The following C12orf54 variants were observed in gnomAD, a reference collection of about 807,000 sequenced individuals.
C12orf54 encodes the protein uncharacterized protein C12orf54.
A neutral mutation model predicts 26.4 loss-of-function variants in C12orf54; 24 were observed. The observed-to-expected ratio is 0.91, with a 90% CI of 0.66 to 1.28. C12orf54 has a LOEUF of 1.28. C12orf54 is among the 50% of genes most tolerant of loss of function. The probability of loss-of-function intolerance (pLI) is 0.00; values close to 1 mark genes in which losing one functional copy is unlikely to be tolerated. For missense variants in C12orf54, 154 were observed against 150.9 expected (o/e 1.02, Z -0.11); for synonymous variants, 54 against 47.0 (o/e 1.15, Z -0.61).
chr12:48,470,194 C>A, the C12orf54 span, among the ~76,000 whole-genome samples: 1 of 152,116 alleles, frequency 6.6e-6, no homozygotes, highest in Non-Finnish European at 1.5e-5. Context: ...GATTTATTTT[C>A]CTTTGGGTAG....
At chr12:48,434,672 G>C in the C12orf54 span, among the ~76,000 whole-genome samples, 1 of 152,172 alleles carries the variant, frequency 6.6e-6, no homozygotes, top group Non-Finnish European at 1.5e-5. Flanking sequence ...GAACCTCCAG[G>C]AAACTCCAAC....
At chr12:48,490,686 T>A in intron 5 of C12orf54, 126 bp from the exon 6 acceptor site, 1 of 1,041,968 alleles carries the variant, frequency 9.6e-7, no homozygotes, top group Non-Finnish European at 1.4e-6. Flanking sequence ...GGGAGTTCCA[T>A]GTCCAAGAAG....
chr12:48,490,301 T>C (rs898749956), intron 5 of C12orf54, among the ~76,000 whole-genome samples: 52 of 152,312 alleles, frequency 3.4e-4, no homozygotes, highest in African/African-American at 1.2e-3. Context: ...GGCATTATCT[T>C]AAGTGGTTTG....
the C12orf54 span, among the ~76,000 whole-genome samples, chr12:48,477,271 C>G: frequency 6.6e-6 from 1 of 152,272 alleles, no homozygotes; most frequent in East Asian, 1.9e-4. Context: ...ATTTATAGCA[C>G]TAAATGCCCA....
the C12orf54 span, among the ~76,000 whole-genome samples, chr12:48,428,749 T>C: frequency 1.3e-5 from 2 of 152,022 alleles, no homozygotes; most frequent in African/African-American, 4.8e-5. Context: ...TAAAGAAGAA[T>C]TGGTACCAAT....
the C12orf54 span, among the ~76,000 whole-genome samples, chr12:48,467,974 C>T: frequency 6.6e-6 from 1 of 151,968 alleles, no homozygotes; most frequent in Non-Finnish European, 1.5e-5. Flanking sequence ...GGCTTCCCAC[C>T]CACGGGAAAT....
At chr12:48,475,943 G>C in the C12orf54 span, among the ~76,000 whole-genome samples, 6 of 151,454 alleles carry the variant, frequency 4.0e-5, no homozygotes, top group African/African-American at 1.5e-4. Flanking sequence ...ACACATAATT[G>C]TCAGATTCAC....
At chr12:48,481,053 A>C (rs12815151), upstream of C12orf54, among the ~76,000 whole-genome samples, 50,728 of 109,922 alleles carry the variant, frequency 0.46, 10,499 homozygotes, top group Middle Eastern at 0.57. Flanking sequence ...CTCCAAAAGA[A>C]GGGAGGGAGG....
the C12orf54 span, among the ~76,000 whole-genome samples, chr12:48,441,450 G>T: frequency 6.6e-6 from 1 of 152,024 alleles, no homozygotes; most frequent in Non-Finnish European, 1.5e-5. Context: ...GCGACCAAAA[G>T]AGGCCGTCTT....
chr12:48,418,697 G>A, the C12orf54 span, among the ~76,000 whole-genome samples: 4 of 152,154 alleles, frequency 2.6e-5, no homozygotes, highest in South Asian at 8.3e-4. Flanking sequence ...TGAAGGTGGT[G>A]TATGTAAAGG....
the C12orf54 span, among the ~76,000 whole-genome samples, chr12:48,444,911 G>A: frequency 2.0e-5 from 3 of 152,296 alleles, no homozygotes; most frequent in South Asian, 4.1e-4. Flanking sequence ...AGTGGCTCAC[G>A]CCTGTAATCC....
chr12:48,435,254 G>A, the C12orf54 span, among the ~76,000 whole-genome samples: 3 of 152,300 alleles, frequency 2.0e-5, no homozygotes, highest in Admixed American at 6.5e-5. Context: ...AGAAATATGG[G>A]ACTATGTGAA....
chr12:48,471,789 T>C, the C12orf54 span, among the ~76,000 whole-genome samples: 1 of 152,204 alleles, frequency 6.6e-6, no homozygotes, highest in Non-Finnish European at 1.5e-5. Context: ...TGTCTCTGGC[T>C]TTGTTCTTTT....
chr12:48,457,758 C>T, the C12orf54 span, among the ~76,000 whole-genome samples: 3 of 152,138 alleles, frequency 2.0e-5, no homozygotes, highest in African/African-American at 7.2e-5. Flanking sequence ...TTTGGGTCCT[C>T]TTTCTGTGTG....
At chr12:48,474,315 C>T in the C12orf54 span, among the ~76,000 whole-genome samples, 9,764 of 152,136 alleles carry the variant, frequency 0.064, 1,056 homozygotes, top group African/African-American at 0.22. Context: ...CCAGCATGAG[C>T]GATACAGAAG....
chr12:48,446,429 A>G, the C12orf54 span, among the ~76,000 whole-genome samples: 1 of 152,204 alleles, frequency 6.6e-6, no homozygotes, highest in East Asian at 1.9e-4. Flanking sequence ...TCATTTCTCT[A>G]TGCCTGTTAA....
the C12orf54 span, among the ~76,000 whole-genome samples, chr12:48,451,723 A>G: frequency 1.3e-4 from 20 of 152,172 alleles, no homozygotes; most frequent in African/African-American, 4.6e-4. Context: ...CCAAATCACA[A>G]TGAACTCCCA....
chr12:48,429,789 ATTCT>A, the C12orf54 span, among the ~76,000 whole-genome samples: 2 of 152,134 alleles, frequency 1.3e-5, no homozygotes, highest in African/African-American at 4.8e-5. Context: ...TGCCATCATC[ATTCT>A]TCACAGATTA....
chr12:48,451,670 A>T, the C12orf54 span, among the ~76,000 whole-genome samples: 9 of 152,206 alleles, frequency 5.9e-5, no homozygotes, highest in South Asian at 4.1e-4. Context: ...AATGTGCAAA[A>T]ATCACTAGCA....
Sources: allele counts gnomAD v4.1 joint callset (sites outside exome capture counted in the v4.1 genomes callset), GRCh38; gene constraint gnomAD v4.1.1; transcripts MANE v1.5; gene names NCBI Gene and HGNC (gene_info 2026-07-23, HGNC 2026-07-21).